The following DST variants were observed in gnomAD, a reference collection of about 807,000 sequenced individuals.
The protein encoded by DST is dystonin, also known as bullous pemphigoid antigen.
Under a neutral mutation model 875.2 loss-of-function variants are expected in DST, and 253 were observed. That is an observed-to-expected ratio of 0.29 (90% CI 0.26 to 0.32). The LOEUF is 0.32. Ranked by LOEUF, DST falls within the 10% of genes least tolerant of loss-of-function variation. The probability of loss-of-function intolerance (pLI) is 1.00; values close to 1 mark genes in which losing one functional copy is unlikely to be tolerated. For missense variants in DST, 8,287 were observed against 9,111.6 expected (o/e 0.91, Z 3.68); for synonymous variants, 3,124 against 3,197.1 (o/e 0.98, Z 0.77).
At chr6:56,610,715 A>C (rs2098537440) in intron 38 of DST, among the ~76,000 whole-genome samples, 153 bp from the exon 39 acceptor site, 1 of 152,186 alleles carries the variant, frequency 6.6e-6, no homozygotes, top group East Asian at 1.9e-4. Flanking sequence ...TATGAAAATT[A>C]AGAATGGCCT....
chr6:56,935,243 AAG>A (rs1156941351), intron 2 of DST, among the ~76,000 whole-genome samples: 1 of 152,192 alleles, frequency 6.6e-6, no homozygotes, highest in Non-Finnish European at 1.5e-5. Context: ...CAAATATTTC[AAG>A]AGAGTCTAAA....
intron 36 of DST, chr6:56,618,193 C>T: frequency 6.2e-7 from 1 of 1,614,144 alleles, no homozygotes; most frequent in African/African-American, 1.3e-5. Context: ...TTTTCTCTTT[C>T]TCGAGTGGAG....
At chr6:56,916,685 C>T (rs1801096383) in intron 2 of DST, among the ~76,000 whole-genome samples, 1 of 150,738 alleles carries the variant, frequency 6.6e-6, no homozygotes, top group Admixed American at 6.6e-5. Flanking sequence ...CCTGGGGGGT[C>T]GAGCTGTAGT....
At chr6:56,548,921 A>G (rs1263161536) in intron 61 of DST, among the ~76,000 whole-genome samples, 1 of 152,258 alleles carries the variant, frequency 6.6e-6, no homozygotes, top group Non-Finnish European at 1.5e-5. Flanking sequence ...ATCTCAGGAT[A>G]GTTTTCACTG....
At chr6:56,715,388 T>C (rs2099391256) in intron 5 of DST, among the ~76,000 whole-genome samples, 1 of 152,166 alleles carries the variant, frequency 6.6e-6, no homozygotes, top group African/African-American at 2.4e-5. Flanking sequence ...ATTTCCCCTA[T>C]TAAGGAGCAC....
In DST at chr6:56,608,232, G is replaced by C; in HGVS notation, c.6396C>G (p.Asn2132Lys). 6.2e-7 allele frequency: 1 copy of C among 1,613,648 alleles called. No individual in the cohort carries two copies. The highest frequency in any genetic ancestry group is 8.5e-7 in the Non-Finnish European group (1 of 1,179,750). ...TATTTTTTAAAATTGATGCTGTGTTGTTGTCTATAATTCCTAGCTGTTTAG... is the reference window on the plus strand; with the variant it reads ...TATTTTTTAAAATTGATGCTGTGTTCTTGTCTATAATTCCTAGCTGTTTAG... Reference protein sequence around the residue: ...DAAKQLGIIDNNTASILKNIT... With the variant: ...DAAKQLGIIDKNTASILKNIT... The change falls in exon 40 of 104, where the codon AAC (asparagine) becomes AAG (lysine). Residue 2132 changes from asparagine (N) to lysine (K), a missense_variant. Asn to Lys is a moderately conservative substitution (Grantham distance 94). This residue lies in a region of DST where 3,138 missense variants were observed against 3,116.6 expected (regional missense o/e 1.01). Coordinates refer to ENST00000680361, the MANE Select transcript of DST (RefSeq NM_001374736.1).
chr6:56,843,174 A>G, intron 4 of DST: 3 of 1,535,776 alleles, frequency 2.0e-6, no homozygotes, highest in Non-Finnish European at 2.7e-6. Context: ...GATGACTGAC[A>G]AATTCCCCTC....
intron 9 of DST, among the ~76,000 whole-genome samples, chr6:56,697,642 C>G (rs545651292): frequency 6.6e-6 from 1 of 152,290 alleles, no homozygotes; most frequent in East Asian, 1.9e-4. Flanking sequence ...AAACTTAATT[C>G]TACCTCCCTC....
Position 56,954,567 on chromosome 6 carries a change from G to C in DST, c.21C>G (p.Leu7=). The change falls in exon 1 of 104, where the codon CTC becomes CTG. Residue 7 remains leucine, a synonymous_variant. Transcript: ENST00000680361. The part of the protein sequence containing the change: MIAAAF[L]VLLRPYSIQC... ...GGATGCTGTAGGGTCTCAGCAAGAC[G>C]AGGAAAGCCGCGGCGATCATGGTGC... 2 of 1,361,086 alleles carry C rather than the reference G, an allele frequency of 1.5e-6. No homozygotes were observed. The highest frequency in any genetic ancestry group is 2.0e-6 in the Non-Finnish European group (2 of 1,018,904). 84.3% of individuals were successfully genotyped at this position (1,361,086 alleles called of 1,614,324 possible).
At chr6:56,523,716 C>G (rs575643214) in intron 69 of DST, among the ~76,000 whole-genome samples, 1 of 152,206 alleles carries the variant, frequency 6.6e-6, no homozygotes, top group African/African-American at 2.4e-5. Flanking sequence ...CATTGAAAAT[C>G]TAATTTAACT....
chr6:56,831,399 A>G (rs1202086915), intron 4 of DST, among the ~76,000 whole-genome samples: 1 of 152,204 alleles, frequency 6.6e-6, no homozygotes, highest in Non-Finnish European at 1.5e-5. Flanking sequence ...GCAAGGTCAG[A>G]TTGTCCAAAT....
chr6:56,539,564 T>C (rs2097086458), intron 61 of DST, among the ~76,000 whole-genome samples: 1 of 152,066 alleles, frequency 6.6e-6, no homozygotes, highest in Non-Finnish European at 1.5e-5. Context: ...AAGTTTAAAA[T>C]AAAATAAAAC....
chr6:56,670,544 CT>C, intron 10 of DST, 96 bp downstream of exon 10: 1 of 968,186 alleles, frequency 1.0e-6, no homozygotes, highest in Non-Finnish European at 1.4e-6. Flanking sequence ...TTTTGCCATG[CT>C]TTTGCTTCTA....
chr6:56,948,887 A>G (rs1428046396), intron 2 of DST, among the ~76,000 whole-genome samples: 2 of 152,240 alleles, frequency 1.3e-5, no homozygotes, highest in Non-Finnish European at 2.9e-5. Context: ...CTTTGTATGT[A>G]GTAGATACTT....
chr6:56,594,031 C>T lies in DST; in HGVS notation c.12358G>A (p.Ala4120Thr). 1.9e-6 allele frequency: 3 copies of T among 1,613,752 alleles called. No homozygotes were observed. In the South Asian group the frequency reaches 3.3e-5, roughly 18 times the overall value. The change falls in exon 48 of 104, where the codon GCT (alanine) becomes ACT (threonine). Residue 4120 changes from alanine (A) to threonine (T), a missense_variant. Around this residue, in one of 10 missense-constraint regions of DST, gnomAD observed 1,513 missense variants for 1,677.8 expected, o/e 0.90. Transcript: ENST00000680361. ...AACTTCATTTTCTTCTCTGACTCAG[C>T]CAGTGCAGTTTCATAATGCACTTTC... Reference protein sequence around the residue: ...ELKVHYETALAESEKKMKLTH... With the variant: ...ELKVHYETALTESEKKMKLTH...
intron 69 of DST, among the ~76,000 whole-genome samples, chr6:56,522,426 C>A (rs2096723942): frequency 6.6e-6 from 1 of 152,144 alleles, no homozygotes; most frequent in African/African-American, 2.4e-5. Context: ...CAAACCTTAA[C>A]CTCAAGGACA....
At chr6:56,635,068 T>A (rs2098812688) in intron 24 of DST, 115 bp from the exon 25 acceptor site, 1 of 800,228 alleles carries the variant, frequency 1.2e-6, no homozygotes, top group Non-Finnish European at 2.0e-6. Flanking sequence ...CTACCTAGTC[T>A]AAATTTTCAA....
At chr6:56,578,050 C>A (rs1031126418) in intron 50 of DST, among the ~76,000 whole-genome samples, 1 of 152,034 alleles carries the variant, frequency 6.6e-6, no homozygotes, top group Non-Finnish European at 1.5e-5. Context: ...TTAGTGGCCT[C>A]ACTCAAATTG....
chr6:56,487,176 T>A lies in DST; in HGVS notation c.20975A>T (p.Asn6992Ile), dbSNP rs780386919. ...LKEKTSLADD[N>I]LKLDDMLSEL... ...ACTCAGCATGTCATCCAGTTTCAGG[T>A]TGTCATCAGCCAGGGAGGTTTTCTC... Residue 6992 changes from asparagine to isoleucine, a missense_variant, in exon 87 of 104, where the codon AAC becomes ATC. Coordinates refer to ENST00000680361, the MANE Select transcript of DST (RefSeq NM_001374736.1). 6 of 1,613,906 alleles carry A rather than the reference T, an allele frequency of 3.7e-6. No homozygotes were observed. In the East Asian group the frequency reaches 6.7e-5, roughly 18 times the overall value.
Sources: allele counts gnomAD v4.1 joint callset (sites outside exome capture counted in the v4.1 genomes callset), GRCh38; gene constraint gnomAD v4.1.1; regional missense constraint gnomAD v4.1.1; transcripts MANE v1.5; gene names NCBI Gene and HGNC (gene_info 2026-07-23, HGNC 2026-07-21).